The following NTN1 variants were observed in gnomAD, a reference collection of about 807,000 sequenced individuals.
The protein encoded by NTN1 is netrin 1.
A neutral mutation model predicts 54.2 loss-of-function variants in NTN1; 11 were observed. The ratio of observed to expected loss-of-function variants is 0.20; its 90% CI spans 0.13 to 0.34. NTN1 has a LOEUF of 0.34. Among genes scored for constraint, NTN1 ranks in the 10% least tolerant of loss-of-function variants. NTN1 has a pLI of 1.00. For synonymous variants in NTN1, 371 were observed against 382.0 expected, an observed-to-expected ratio of 0.97 and a Z score of 0.33; for missense variants, 740 against 893.1, an observed-to-expected ratio of 0.83 and a Z score of 2.18.
intron 2 of NTN1, among the ~76,000 whole-genome samples, chr17:9,124,577 G>A (rs1028476654): frequency 1.3e-5 from 2 of 152,212 alleles, no homozygotes; most frequent in African/African-American, 2.4e-5. Flanking sequence ...TGACAGTGAC[G>A]AGGATGGGGG....
chr17:9,194,389 C>T (rs999760805), intron 5 of NTN1, among the ~76,000 whole-genome samples: 2 of 152,190 alleles, frequency 1.3e-5, no homozygotes, highest in African/African-American at 4.8e-5. Flanking sequence ...TTAACTTCAC[C>T]TACCGTTAAA....
intron 2 of NTN1, among the ~76,000 whole-genome samples, chr17:9,159,278 A>C (rs1050869493): frequency 6.6e-6 from 1 of 152,236 alleles, no homozygotes; most frequent in South Asian, 2.1e-4. Context: ...TACATGGGGA[A>C]ATGCCCAACC....
At chr17:9,235,116 C>G (rs913649417) in intron 6 of NTN1, among the ~76,000 whole-genome samples, 2 of 152,054 alleles carry the variant, frequency 1.3e-5, no homozygotes, top group African/African-American at 4.8e-5. Context: ...GTGTCCACCA[C>G]CATGCCTGGC....
chr17:9,172,599 A>T (rs1347428696), intron 3 of NTN1, among the ~76,000 whole-genome samples: 2 of 152,232 alleles, frequency 1.3e-5, no homozygotes, highest in Admixed American at 1.3e-4. Context: ...ATTCAACAAC[A>T]AGGAAACAAA....
chr17:9,181,984 T>G (rs527861801), intron 4 of NTN1, among the ~76,000 whole-genome samples: 1 of 152,338 alleles, frequency 6.6e-6, no homozygotes, highest in African/African-American at 2.4e-5. Context: ...TTTATTATTA[T>G]ATATACTTTT....
At chr17:9,152,332 C>T (rs760669241) in intron 2 of NTN1, among the ~76,000 whole-genome samples, 1 of 152,130 alleles carries the variant, frequency 6.6e-6, no homozygotes, top group Non-Finnish European at 1.5e-5. Context: ...CTCCTTTTTT[C>T]TCCCCCAAAA....
At chr17:9,143,513 C>G (rs2092304369) in intron 2 of NTN1, among the ~76,000 whole-genome samples, 1 of 152,214 alleles carries the variant, frequency 6.6e-6, no homozygotes, top group African/African-American at 2.4e-5. Context: ...GCTCTGTCTT[C>G]TACCTCATGG....
At chr17:9,231,598 G>A (rs1338884462) in intron 6 of NTN1, among the ~76,000 whole-genome samples, 2 of 152,230 alleles carry the variant, frequency 1.3e-5, no homozygotes, top group Admixed American at 6.5e-5. Flanking sequence ...ATGCCAGCCC[G>A]GCTTGCGGTG....
At chr17:9,072,191 C>T (rs1221172322) in intron 2 of NTN1, among the ~76,000 whole-genome samples, 5 of 151,606 alleles carry the variant, frequency 3.3e-5, no homozygotes, top group Admixed American at 6.6e-5. Context: ...TTAGCCCCAG[C>T]TTTCCAGCTT....
rs1906286785 is a variant in NTN1 at position 9,243,343 on chromosome 17, C to CATGCTGGAGACATGCTGGAGAG, written c.*3385_*3386insCATGCTGGAGAGATGCTGGAGA. 6.8e-6 allele frequency: 1 copy of CATGCTGGAGACATGCTGGAGAG among 147,370 alleles called. No homozygotes were observed. The highest frequency in any genetic ancestry group is 2.7e-5 in the African/African-American group (1 of 36,814). The allele number at this position is 147,370 out of a possible 1,614,324, so 9.1% of individuals were successfully genotyped here. ...CCCTGGAACTCTGCCTCAGTCGCGG[C>CATGCTGGAGACATGCTGGAGAG]ATGCTGGAGAGGGGTACGGACTTAC... is the stretch of plus-strand genomic sequence containing the variant. On this transcript the variant is annotated 3_prime_UTR_variant, in exon 7 of 7. Coordinates refer to ENST00000173229, the MANE Select transcript of NTN1 (RefSeq NM_004822.3).
At chr17:9,073,398 G>A (rs2092039103) in intron 2 of NTN1, among the ~76,000 whole-genome samples, 2 of 152,212 alleles carry the variant, frequency 1.3e-5, no homozygotes, top group Non-Finnish European at 2.9e-5. Context: ...CACCCTGGGA[G>A]TTCATTGAGT....
At chr17:9,026,142 C>T (rs1450684764) in intron 2 of NTN1, among the ~76,000 whole-genome samples, 2 of 152,150 alleles carry the variant, frequency 1.3e-5, no homozygotes, top group South Asian at 2.1e-4. Flanking sequence ...CTAGGTTAAC[C>T]CTGTGCCCCA....
intron 2 of NTN1, among the ~76,000 whole-genome samples, chr17:9,097,230 T>C (rs749190846): frequency 6.6e-6 from 1 of 152,222 alleles, no homozygotes; most frequent in African/African-American, 2.4e-5. Context: ...TGCTGTAAGA[T>C]GTGTTTCCCT....
At chr17:9,203,208 A>G (rs1162156159) in intron 5 of NTN1, among the ~76,000 whole-genome samples, 1 of 152,126 alleles carries the variant, frequency 6.6e-6, no homozygotes, top group Non-Finnish European at 1.5e-5. Context: ...GGTGTGAGCC[A>G]CCATGCCCGG....
chr17:9,007,788 G>A, the NTN1 span, among the ~76,000 whole-genome samples: 2 of 151,824 alleles, frequency 1.3e-5, no homozygotes, highest in African/African-American at 2.4e-5. Context: ...CTGGAGTACA[G>A]TGGCATGATC....
intron 3 of NTN1, among the ~76,000 whole-genome samples, chr17:9,163,578 A>T (rs969195932): frequency 2.6e-4 from 39 of 150,672 alleles, no homozygotes; most frequent in African/African-American, 8.8e-4. Flanking sequence ...GGAACATTTA[A>T]TCCATCTGCA....
At chr17:9,127,834 TGGTC>T (rs2092252370) in intron 2 of NTN1, among the ~76,000 whole-genome samples, 1 of 152,008 alleles carries the variant, frequency 6.6e-6, no homozygotes, top group Non-Finnish European at 1.5e-5. Context: ...TATTCTAGGT[TGGTC>T]GGGCACAGTG....
chr17:9,123,435 T>C (rs1279554499), intron 2 of NTN1, among the ~76,000 whole-genome samples: 1 of 152,242 alleles, frequency 6.6e-6, no homozygotes, highest in Non-Finnish European at 1.5e-5. Flanking sequence ...CAGGTTGTAA[T>C]TGACTTTTTA....
chr17:9,096,672 A>G (rs1025257617), intron 2 of NTN1, among the ~76,000 whole-genome samples: 10 of 152,082 alleles, frequency 6.6e-5, no homozygotes, highest in Admixed American at 1.3e-4. Flanking sequence ...CACCCAGCCC[A>G]TCATAGCATC....
Sources: gnomAD v4.1 joint callset for allele counts (sites outside exome capture counted in the v4.1 genomes callset) on GRCh38, gnomAD v4.1.1 for gene constraint, MANE v1.5 for transcripts, NCBI Gene and HGNC (gene_info 2026-07-23, HGNC 2026-07-21) for gene names.